Variants in TPRX2 observed in about 807,000 individuals in gnomAD.
TPRX2 encodes tetrapeptide repeat homeobox protein 2.
the TPRX2 span, chr19:47,861,576 GGTGACTTTCTGCAGTGAATGCATCA>G: frequency 9.4e-7 from 1 of 1,066,900 alleles, no homozygotes; most frequent in Non-Finnish European, 1.3e-6. Flanking sequence ...CTACACTGCT[GGTGACTTTCTGCAGTGAATGCATCA>G]CCCTTTACCC....
the TPRX2 span, chr19:47,861,141 A>G: frequency 1.4e-6 from 1 of 695,536 alleles, no homozygotes. Context: ...CCCAGCCCAG[A>G]TCCCAGGCCC....
At chr19:47,859,289 T>A in the TPRX2 span, among the ~76,000 whole-genome samples, 1 of 149,194 alleles carries the variant, frequency 6.7e-6, no homozygotes, top group East Asian at 2.0e-4. Context: ...GGGACAGAGG[T>A]GTGAGGGGCC....
the TPRX2 span, among the ~76,000 whole-genome samples, chr19:47,859,367 C>G: frequency 6.7e-6 from 1 of 150,220 alleles, no homozygotes; most frequent in Non-Finnish European, 1.5e-5. Flanking sequence ...TGGGCCTGTG[C>G]GGGCGGCTTC....
the TPRX2 span, chr19:47,861,084 G>A: frequency 1.4e-6 from 1 of 719,470 alleles, no homozygotes; most frequent in Non-Finnish European, 2.5e-6. Context: ...GGGCCTCAAG[G>A]CTGTCCCGGC....
chr19:47,859,427 CA>C, the TPRX2 span, among the ~76,000 whole-genome samples: 1 of 151,124 alleles, frequency 6.6e-6, no homozygotes, highest in Non-Finnish European at 1.5e-5. Context: ...AATGAAAAAT[CA>C]TGCAGCTGGG....
At chr19:47,859,392 G>C in the TPRX2 span, among the ~76,000 whole-genome samples, 60 of 150,836 alleles carry the variant, frequency 4.0e-4, no homozygotes, top group Middle Eastern at 3.4e-3. Flanking sequence ...CCTGCAGACG[G>C]GGGAGAACTT....
the TPRX2 span, chr19:47,861,152 A>T: frequency 2.9e-6 from 2 of 690,268 alleles, no homozygotes; most frequent in South Asian, 1.5e-5. Flanking sequence ...TCCCAGGCCC[A>T]GTCCCAGGCC....
chr19:47,861,028 A>G, the TPRX2 span: 10 of 912,038 alleles, frequency 1.1e-5, no homozygotes, highest in Non-Finnish European at 1.7e-5. Flanking sequence ...CCGAAGATCT[A>G]CAGCCTCCCC....
the TPRX2 span, chr19:47,861,202 T>A: frequency 1.6e-6 from 1 of 626,546 alleles, no homozygotes; most frequent in Non-Finnish European, 3.0e-6. Context: ...CCACTGTCAG[T>A]CTCGATCCCC....
chr19:47,860,842 G>C, the TPRX2 span: 1 of 1,532,678 alleles, frequency 6.5e-7, no homozygotes, highest in South Asian at 1.2e-5. Flanking sequence ...GCTCGGGAGC[G>C]GCGGCTCCAG....
chr19:47,860,767 C>G, the TPRX2 span: 12 of 1,526,376 alleles, frequency 7.9e-6, no homozygotes, highest in African/African-American at 1.4e-5. Context: ...CGAGTCCCTC[C>G]TTCACACCTT....
chr19:47,860,825 C>T, the TPRX2 span: 1 of 1,537,446 alleles, frequency 6.5e-7, no homozygotes, highest in Non-Finnish European at 8.7e-7. Flanking sequence ...ATCGCCGCGC[C>T]AAACTAGCTC....
chr19:47,861,320 C>T, the TPRX2 span: 11 of 479,860 alleles, frequency 2.3e-5, no homozygotes, highest in Non-Finnish European at 4.1e-5. Context: ...CCCCAGGCGC[C>T]TTGTGGCCTC....
the TPRX2 span, among the ~76,000 whole-genome samples, chr19:47,860,472 C>G: frequency 6.6e-6 from 1 of 151,536 alleles, no homozygotes; most frequent in East Asian, 2.0e-4. Context: ...CCCACATGAT[C>G]GGCCCAGGCT....
the TPRX2 span, among the ~76,000 whole-genome samples, chr19:47,860,561 G>GC: frequency 7.9e-5 from 12 of 151,442 alleles, no homozygotes; most frequent in African/African-American, 1.2e-4. Context: ...ACCCTCCCTG[G>GC]CCCCCCGGGC....
At chr19:47,860,534 G>A in the TPRX2 span, among the ~76,000 whole-genome samples, 2 of 151,344 alleles carry the variant, frequency 1.3e-5, no homozygotes, top group Admixed American at 1.3e-4. Context: ...GTGAGAACCC[G>A]CGGTCCCTCC....
the TPRX2 span, chr19:47,860,704 A>T: frequency 7.3e-7 from 1 of 1,369,528 alleles, no homozygotes; most frequent in Non-Finnish European, 9.7e-7. Flanking sequence ...GGGGGTGAAC[A>T]CCGGGAGAGT....
chr19:47,859,877 C>A, the TPRX2 span, among the ~76,000 whole-genome samples: 1 of 150,448 alleles, frequency 6.6e-6, no homozygotes, highest in East Asian at 1.9e-4. Flanking sequence ...CCGTCTGCTC[C>A]GAGGTGAGGC....
chr19:47,859,664 G>T, the TPRX2 span, among the ~76,000 whole-genome samples: 2 of 148,594 alleles, frequency 1.3e-5, no homozygotes, highest in Non-Finnish European at 1.5e-5. Flanking sequence ...CTTGAGCCGT[G>T]ATCACATCAC....
Sources: gnomAD v4.1 joint callset for allele counts (sites outside exome capture counted in the v4.1 genomes callset) on GRCh38, gnomAD v4.1.1 for gene constraint, MANE v1.5 for transcripts, NCBI Gene and HGNC (gene_info 2026-07-23, HGNC 2026-07-21) for gene names.